The following COL4A3 variants were observed in gnomAD, a reference collection of about 807,000 sequenced individuals.
The protein encoded by COL4A3 is collagen type IV alpha 3 chain, also known as collagen alpha-3(IV) chain.
A neutral mutation model predicts 217.4 loss-of-function variants in COL4A3; 135 were observed. That is an observed-to-expected ratio of 0.62 (90% CI 0.54 to 0.72). The LOEUF is 0.72. Among genes scored for constraint, COL4A3 ranks in the 30% least tolerant of loss-of-function variants. The pLI, the probability that COL4A3 is intolerant of heterozygous loss-of-function variation, is 0.00. For synonymous variants in COL4A3, 690 were observed against 736.3 expected (o/e 0.94, Z 1.02); for missense variants, 1,868 against 2,119.9 (o/e 0.88, Z 2.33).
chr2:227,193,369 A>G (rs1016334579), intron 1 of COL4A3, among the ~76,000 whole-genome samples: 25 of 152,242 alleles, frequency 1.6e-4, no homozygotes, highest in African/African-American at 5.8e-4. Flanking sequence ...GGAAGGACTC[A>G]AGATCACAAT....
rs1488620484 is a variant in COL4A3, at chr2:227,270,824, C to T, written c.1630C>T (p.Leu544Phe). The change falls in exon 25 of 52, where the codon CTT becomes TTT. Residue 544 changes from leucine (L) to phenylalanine (F), a missense_variant. This residue lies in a region of COL4A3 where 1,503 missense variants were observed against 1,786.1 expected (regional missense o/e 0.84). Transcript: ENST00000396578. ...PGLKGEKGET[L>F]QPEGQVGVPG... ...ACTTAAAGGAGAAAAAGGTGAAACA[C>T]TTCAGCCTGAGGGGCAAGTGGGTGT... 1 of 1,614,164 alleles carries T rather than the reference C, an allele frequency of 6.2e-7. No homozygotes were observed. Among genetic ancestry groups the T allele is most frequent in the Admixed American group, 1.7e-5 (1 of 60,014 alleles).
Position 227,239,246 on chromosome 2 carries a change from A to T in COL4A3, c.145-897A>T, listed in dbSNP as rs565831197. ...TACAACAATTAAAGATAATACAAAT[A>T]AAAAAATGCAGTATAACAACCATTT... On this transcript the variant is annotated intron_variant, in intron 2 of 51. Transcript: ENST00000396578. Among the ~76,000 whole-genome samples the T allele has an allele frequency of 3.4e-4, 11 of 31,986 alleles. No individual in the cohort carries two copies. The South Asian group carries it at 8.5e-3, about 25-fold the overall frequency. The allele number at this position is 31,986 out of a possible 152,430, so 21.0% of individuals were successfully genotyped here.
intron 1 of COL4A3, among the ~76,000 whole-genome samples, chr2:227,231,633 A>G (rs2068411629): frequency 6.6e-6 from 1 of 151,922 alleles, no homozygotes; most frequent in Admixed American, 6.6e-5. Context: ...CAATCCTCCC[A>G]TCTCAGCCCT....
chr2:227,230,511 G>A (rs898318839), intron 1 of COL4A3, among the ~76,000 whole-genome samples: 1 of 152,080 alleles, frequency 6.6e-6, no homozygotes, highest in African/African-American at 2.4e-5. Context: ...TTCCTTAATA[G>A]TTAGCCTTTG....
intron 1 of COL4A3, among the ~76,000 whole-genome samples, chr2:227,228,277 G>A (rs1396998158): frequency 6.6e-6 from 1 of 152,252 alleles, no homozygotes; most frequent in Non-Finnish European, 1.5e-5. Context: ...TCACTGGAGG[G>A]CATGGTGCCA....
intron 1 of COL4A3, among the ~76,000 whole-genome samples, chr2:227,237,501 T>C (rs1372668984): frequency 6.6e-6 from 1 of 152,202 alleles, no homozygotes; most frequent in Admixed American, 6.5e-5. Context: ...ACATTATACA[T>C]ATATACACAT....
rs757980440 is a variant in COL4A3, at chr2:227,260,070, A to G, written c.1114+193A>G. The G allele has an allele frequency of 3.6e-5, 27 of 744,368 alleles. No homozygotes were observed. The South Asian group carries it at 3.7e-4, about 10-fold the overall frequency. The allele number at this position is 744,368 out of a possible 1,614,324, so 46.1% of individuals were successfully genotyped here. On this transcript the variant is annotated intron_variant, in intron 19 of 51. Transcript: ENST00000396578. The stretch of plus-strand genomic sequence containing the variant: ...TTATTTCATAGGTTGTATACCAGGA[A>G]GGTAATTAAATTATCTTTATGTAGC...
chr2:227,273,281 A>T (rs1490932603), intron 26 of COL4A3, among the ~76,000 whole-genome samples, 164 bp downstream of exon 26: 2 of 152,350 alleles, frequency 1.3e-5, no homozygotes, highest in East Asian at 3.9e-4. Flanking sequence ...GGTATGTTAG[A>T]GAAAACTCAT....
At chr2:227,215,481 CAG>C (rs972412162) in intron 1 of COL4A3, among the ~76,000 whole-genome samples, 3 of 152,062 alleles carry the variant, frequency 2.0e-5, no homozygotes, top group South Asian at 2.1e-4. Flanking sequence ...TGTTTTTGCA[CAG>C]AGTCTCGCTC....
At chr2:227,195,760 C>A (rs575279784) in intron 1 of COL4A3, among the ~76,000 whole-genome samples, 2 of 149,078 alleles carry the variant, frequency 1.3e-5, no homozygotes, top group South Asian at 2.1e-4. Context: ...CAGAAGAAGA[C>A]ATTTTTATCA....
Position 227,293,308 on chromosome 2 carries a change from G to C in COL4A3, c.3328G>C (p.Gly1110Arg), listed in dbSNP as rs752898968. The C allele has an allele frequency of 2.5e-6, 4 of 1,613,670 alleles. No individual in the cohort carries two copies. The highest frequency in any genetic ancestry group is 3.4e-6 in the Non-Finnish European group (4 of 1,180,010). Residue 1110 changes from glycine (G) to arginine (R), a missense_variant, in exon 38 of 52, where the codon GGC becomes CGC. Gly to Arg is a moderately radical substitution (Grantham distance 125, BLOSUM62 -2). Coordinates refer to ENST00000396578, the MANE Select transcript of COL4A3 (RefSeq NM_000091.5). ...AGCCCCTGGAAGTCCTGGAAGTCCT[G>C]GCCTCCCAGGTAAGGCTTGAGTTTA... ...EGAPGSPGSP[G>R]LPGKPGPHGD...
At chr2:227,291,046 G>A in intron 37 of COL4A3, 160 bp downstream of exon 37, 1 of 818,786 alleles carries the variant, frequency 1.2e-6, no homozygotes, top group South Asian at 1.6e-5. Context: ...CACAACAGAG[G>A]ATGCTTGTCT....
At chr2:227,229,655 G>C (rs185172804) in intron 1 of COL4A3, among the ~76,000 whole-genome samples, 8 of 152,238 alleles carry the variant, frequency 5.3e-5, no homozygotes, top group African/African-American at 1.2e-4. Context: ...TTGAGTGCAG[G>C]GTACCAGGCA....
At chr2:227,237,269 A>G (rs1240421621) in intron 1 of COL4A3, among the ~76,000 whole-genome samples, 4 of 152,212 alleles carry the variant, frequency 2.6e-5, no homozygotes, top group Non-Finnish European at 5.9e-5. Context: ...AAGATGTGTA[A>G]TGGGTATTGA....
rs1444239727 is a variant in COL4A3 at position 227,202,767 on chromosome 2, A to G, written c.88-35201A>G. On this transcript the variant is annotated intron_variant, in intron 1 of 51. Transcript: ENST00000396578. ...AAAAAATATATATATATATATATAT[A>G]TATATCACATATATATACACATGTG... 1.5e-5 allele frequency among the ~76,000 whole-genome samples: 2 copies of G among 129,102 alleles called. 1 individual carries two copies. The highest frequency in any genetic ancestry group is 3.3e-5 in the Non-Finnish European group (2 of 61,506). 84.7% of individuals were successfully genotyped at this position (129,102 alleles called of 152,430 possible). A position where few individuals can be genotyped will look rare whatever the true frequency, so the allele number is the denominator to read the frequency against.
At position 227,209,452 on chromosome 2, in the gene COL4A3, T is replaced by C. The variant is rs151202493; in HGVS notation, c.88-28516T>C. 3.7e-3 allele frequency among the ~76,000 whole-genome samples: 563 copies of C among 152,332 alleles called. 3 individuals are homozygous for C. The highest frequency in any genetic ancestry group is 0.013 in the African/African-American group (527 of 41,566). ...GGATTCCTTGTTTTGAATCCTGCTA[T>C]CTCTGTTAACGCAGTACTAGCCCCA... On this transcript the variant is annotated intron_variant, in intron 1 of 51. Coordinates refer to ENST00000396578, the MANE Select transcript of COL4A3 (RefSeq NM_000091.5).
intron 11 of COL4A3, among the ~76,000 whole-genome samples, chr2:227,251,883 A>G (rs1415237491): frequency 6.6e-6 from 1 of 152,002 alleles, no homozygotes; most frequent in Non-Finnish European, 1.5e-5. Flanking sequence ...AGCCTGGCCA[A>G]TGTGATGAAA....
chr2:227,226,511 C>T (rs1284649654), intron 1 of COL4A3, among the ~76,000 whole-genome samples: 1 of 150,150 alleles, frequency 6.7e-6, no homozygotes. Context: ...GCTCTGTTGC[C>T]CAGGCTGGAG....
intron 50 of COL4A3, 35 bp from the exon 51 acceptor site, chr2:227,310,741 C>A: frequency 2.5e-6 from 4 of 1,595,308 alleles, no homozygotes; most frequent in Non-Finnish European, 3.4e-6. Context: ...CCCCAATGGA[C>A]AGAGTGTTTA....
Sources: allele counts gnomAD v4.1 joint callset (sites outside exome capture counted in the v4.1 genomes callset), GRCh38; gene constraint gnomAD v4.1.1; regional missense constraint gnomAD v4.1.1; transcripts MANE v1.5; gene names NCBI Gene and HGNC (gene_info 2026-07-23, HGNC 2026-07-21).